The following BDP1 variants were observed in gnomAD, a reference collection of about 807,000 sequenced individuals.
The protein encoded by BDP1 is BDP1 general transcription factor IIIB subunit, also known as transcription factor TFIIIB component B'' homolog.
A neutral mutation model predicts 266.6 loss-of-function variants in BDP1; 169 were observed. The observed-to-expected ratio is 0.63, with a 90% CI of 0.56 to 0.72. BDP1 has a LOEUF of 0.72. BDP1 is among the 30% of genes least tolerant of loss of function. The pLI is 0.00. For missense variants in BDP1, 3,015 were observed against 3,053.8 expected (o/e 0.99, Z 0.30); for synonymous variants, 1,090 against 1,022.4 (o/e 1.07, Z -1.26).
chr5:71,470,117 A>G (rs1343667255), intron 6 of BDP1, among the ~76,000 whole-genome samples: 1 of 152,086 alleles, frequency 6.6e-6, no homozygotes, highest in Non-Finnish European at 1.5e-5. Context: ...CTGGGATTAC[A>G]GGCGTGAACC....
rs1189546121 is a variant in BDP1, at chr5:71,470,504, T to A, written c.1014+15T>A. 6.6e-7 allele frequency: 1 copy of A among 1,520,872 alleles called. No individual in the cohort carries two copies. Among genetic ancestry groups the A allele is most frequent in the Admixed American group, 1.7e-5 (1 of 57,542 alleles). 94.2% of individuals were successfully genotyped at this position (1,520,872 alleles called of 1,614,324 possible). ...TAGAAATTAAGGTAAAGTAAACCCA[T>A]CACATTTGTTGATTGGAAAGAGACC... On this transcript the variant is annotated intron_variant, in intron 7 of 38. Coordinates refer to ENST00000358731, the MANE Select transcript of BDP1 (RefSeq NM_018429.3).
At chr5:71,532,578 T>C in intron 26 of BDP1, 151 bp downstream of exon 26, 1 of 631,532 alleles carries the variant, frequency 1.6e-6, no homozygotes, top group Non-Finnish European at 2.5e-6. Flanking sequence ...TAAAAACTAG[T>C]GAAAGCAATG....
intron 37 of BDP1, among the ~76,000 whole-genome samples, 166 bp downstream of exon 37, chr5:71,560,403 G>GAT (rs1231089282): frequency 5.9e-5 from 9 of 152,194 alleles, no homozygotes; most frequent in African/African-American, 2.2e-4. Flanking sequence ...TAATATTGCA[G>GAT]ATACACATTC....
At chr5:71,505,622 C>A (rs1764535869) in intron 16 of BDP1, among the ~76,000 whole-genome samples, 2 of 152,164 alleles carry the variant, frequency 1.3e-5, no homozygotes, top group Admixed American at 6.5e-5. Flanking sequence ...TACCTGCTGT[C>A]CAGTTTCAGT....
intron 32 of BDP1, 93 bp downstream of exon 32, chr5:71,545,312 C>A: frequency 1.8e-6 from 2 of 1,111,816 alleles, no homozygotes; most frequent in East Asian, 2.5e-5. Context: ...AACTTCACCT[C>A]TTTTATCTTC....
Position 71,461,874 on chromosome 5 carries a change from A to G in BDP1, c.547A>G (p.Lys183Glu), listed in dbSNP as rs1761587452. 3.7e-6 allele frequency: 6 copies of G among 1,609,560 alleles called. No individual in the cohort carries two copies. The highest frequency in any genetic ancestry group is 5.1e-6 in the Non-Finnish European group (6 of 1,176,924). ...NESQRPPDRS[K>E]MTMRDFIYYL... ...AAGTCAGAGGCCACCAGATCGTTCA[A>G]AAATGACTATGAGAGACTTCATATA... Residue 183 changes from lysine to glutamate, a missense_variant, in exon 3 of 39, where the codon AAA becomes GAA. This residue lies in a region of BDP1 where 2,383 missense variants were observed against 2,404.9 expected (regional missense o/e 0.99). Coordinates refer to ENST00000358731, the MANE Select transcript of BDP1 (RefSeq NM_018429.3).
intron 11 of BDP1, among the ~76,000 whole-genome samples, chr5:71,493,920 G>A (rs930804816): frequency 3.3e-5 from 5 of 152,290 alleles, no homozygotes; most frequent in African/African-American, 1.2e-4. Context: ...TACCATATCC[G>A]CTAACTTCCT....
At chr5:71,553,083 C>A in intron 34 of BDP1, 33 bp from the exon 35 acceptor site, 1 of 1,488,650 alleles carries the variant, frequency 6.7e-7, no homozygotes, top group Non-Finnish European at 9.2e-7. Flanking sequence ...ACTTCTAATT[C>A]AGTAATTTAG....
chr5:71,491,175 A>G (rs202034543), intron 11 of BDP1, 44 bp downstream of exon 11: 1 of 1,574,852 alleles, frequency 6.3e-7, no homozygotes, highest in Non-Finnish European at 8.7e-7. Context: ...TCTGTTGATT[A>G]CTGAGAAAGG....
intron 7 of BDP1, 147 bp downstream of exon 7, chr5:71,470,636 T>A (rs1762182751): frequency 1.6e-6 from 1 of 613,038 alleles, no homozygotes; most frequent in Admixed American, 3.4e-5. Flanking sequence ...TTGCCCAGGC[T>A]GGAGTGCAGT....
intron 7 of BDP1, among the ~76,000 whole-genome samples, chr5:71,482,825 C>T (rs1245436625): frequency 6.6e-6 from 1 of 152,010 alleles, no homozygotes; most frequent in African/African-American, 2.4e-5. Context: ...ATAAGATTAT[C>T]TTTGAAAACT....
At chr5:71,542,830 A>G (rs944188385) in intron 30 of BDP1, among the ~76,000 whole-genome samples, 3 of 152,278 alleles carry the variant, frequency 2.0e-5, no homozygotes, top group Middle Eastern at 3.4e-3. Flanking sequence ...TATTTGTGTT[A>G]TATACTGTAT....
chr5:71,531,490 A>G (rs1766242763), intron 25 of BDP1, among the ~76,000 whole-genome samples: 1 of 152,008 alleles, frequency 6.6e-6, no homozygotes. Context: ...GGGCAGTGGT[A>G]TGATAAATAT....
intron 6 of BDP1, 120 bp downstream of exon 6, chr5:71,467,607 A>C: frequency 1.2e-6 from 1 of 813,996 alleles, no homozygotes; most frequent in East Asian, 2.5e-5. Context: ...ATTCCAGCTA[A>C]TTTTATTGAC....
At chr5:71,545,365 T>C in intron 32 of BDP1, 146 bp downstream of exon 32, 1 of 813,194 alleles carries the variant, frequency 1.2e-6, no homozygotes, top group Admixed American at 2.9e-5. Context: ...ACAGTCTTGT[T>C]CTGTTGCCCA....
chr5:71,522,676 G>A (rs1765564956), intron 23 of BDP1, 80 bp from the exon 24 acceptor site: 16 of 1,391,450 alleles, frequency 1.1e-5, no homozygotes, highest in Non-Finnish European at 1.6e-5. Flanking sequence ...AAACTTAGAG[G>A]TTTAGGCCAA....
At chr5:71,544,885 A>AG (rs1742160188) in intron 31 of BDP1, among the ~76,000 whole-genome samples, 154 bp from the exon 32 acceptor site, 1 of 144,976 alleles carries the variant, frequency 6.9e-6, no homozygotes, top group African/African-American at 2.6e-5. Flanking sequence ...GTCTCAAAAA[A>AG]AAAAAAAAAA....
At position 71,541,609 on chromosome 5, in the gene BDP1, G is replaced by T; in HGVS notation, c.6178G>T (p.Val2060Leu). 6.2e-7 allele frequency: 1 copy of T among 1,612,450 alleles called. No individual in the cohort carries two copies. The highest frequency in any genetic ancestry group is 8.5e-7 in the Non-Finnish European group (1 of 1,179,308). ...SPASFEENKI[V>L]LEEQSSREEI... ...TGCATCATTTGAAGAAAACAAGATTGTATTGGAGGAACAAAGTTCCAGAGA... is the reference window on the plus strand; with the variant it reads ...TGCATCATTTGAAGAAAACAAGATTTTATTGGAGGAACAAAGTTCCAGAGA... Residue 2060 changes from valine to leucine, a missense_variant, in exon 29 of 39, where the codon GTA becomes TTA. By Grantham distance (32) the Val-to-Leu change is conservative. Around this residue, in one of 3 missense-constraint regions of BDP1, gnomAD observed 2,383 missense variants for 2,404.9 expected, o/e 0.99. Coordinates refer to ENST00000358731, the MANE Select transcript of BDP1 (RefSeq NM_018429.3).
At chr5:71,507,498 G>A (rs1041756026) in intron 16 of BDP1, among the ~76,000 whole-genome samples, 2 of 152,084 alleles carry the variant, frequency 1.3e-5, no homozygotes, top group Non-Finnish European at 2.9e-5. Flanking sequence ...GAACTGTTAT[G>A]GAAATAATGA....
Sources: allele counts gnomAD v4.1 joint callset (sites outside exome capture counted in the v4.1 genomes callset), GRCh38; gene constraint gnomAD v4.1.1; regional missense constraint gnomAD v4.1.1; transcripts MANE v1.5; gene names NCBI Gene and HGNC (gene_info 2026-07-23, HGNC 2026-07-21).